Variants in EFNA5 observed in about 807,000 individuals in gnomAD.
The protein encoded by EFNA5 is ephrin-A5.
EFNA5 carries 5 observed loss-of-function variants against 22.9 expected under a neutral mutation model. The observed-to-expected ratio is 0.22, with a 90% CI of 0.11 to 0.46. The LOEUF is 0.46. Ranked by LOEUF, EFNA5 falls within the 20% of genes least tolerant of loss-of-function variation. EFNA5 has a pLI of 0.99. For synonymous variants in EFNA5, 113 were observed against 112.2 expected (o/e 1.01, Z -0.04); for missense variants, 237 against 293.3 (o/e 0.81, Z 1.40).
chr5:107,425,677 A>G (rs1317859309), intron 2 of EFNA5, among the ~76,000 whole-genome samples: 1 of 152,246 alleles, frequency 6.6e-6, no homozygotes. Context: ...AATGACTGAA[A>G]TATGTACTGA....
chr5:107,650,311 T>G (rs1647844364), intron 1 of EFNA5, among the ~76,000 whole-genome samples: 1 of 152,138 alleles, frequency 6.6e-6, no homozygotes, highest in Non-Finnish European at 1.5e-5. Context: ...TTCCCCTTAC[T>G]TGTTGTCTCT....
At chr5:107,579,800 C>T (rs896137371) in intron 1 of EFNA5, among the ~76,000 whole-genome samples, 5 of 152,216 alleles carry the variant, frequency 3.3e-5, no homozygotes, top group East Asian at 1.9e-4. Context: ...CCTTGCTGCA[C>T]GAGTGGCACT....
intron 1 of EFNA5, among the ~76,000 whole-genome samples, chr5:107,559,877 T>C (rs1054697278): frequency 2.0e-5 from 3 of 152,178 alleles, no homozygotes; most frequent in East Asian, 1.9e-4. Context: ...TGCTGGATGC[T>C]TTCCCCCCAA....
At chr5:107,470,227 C>G (rs1750101615) in intron 1 of EFNA5, among the ~76,000 whole-genome samples, 1 of 152,176 alleles carries the variant, frequency 6.6e-6, no homozygotes, top group Admixed American at 6.6e-5. Flanking sequence ...AAAATGGCAA[C>G]AGTGAGGGTC....
Position 107,670,499 on chromosome 5 carries a change from T to A in EFNA5, c.115A>T (p.Ser39Cys). 1 of 1,568,082 alleles carries A rather than the reference T, an allele frequency of 6.4e-7. No homozygotes were observed. The highest frequency in any genetic ancestry group is 8.7e-7 in the Non-Finnish European group (1 of 1,155,276). The change falls in exon 1 of 5, where the codon AGC becomes TGC. Residue 39 changes from serine (S) to cysteine (C), a missense_variant. Physicochemically the swap from Ser to Cys is moderately radical, Grantham distance 112. Coordinates refer to ENST00000333274, the MANE Select transcript of EFNA5 (RefSeq NM_001962.3). ...ADRYAVYWNS[S>C]NPRFQRGDYH... ...CTGTTATCGGCTTACCTGGGGTTGC[T>A]GCTGTTCCAGTAGACAGCGTAGCGG...
At chr5:107,459,987 C>T (rs892394249) in intron 1 of EFNA5, among the ~76,000 whole-genome samples, 1 of 152,132 alleles carries the variant, frequency 6.6e-6, no homozygotes, top group African/African-American at 2.4e-5. Flanking sequence ...GCCTTAGGAA[C>T]TGTTTAACCA....
At position 107,652,903 on chromosome 5, in the gene EFNA5, AT is replaced by A. The variant is rs199948489; in HGVS notation, c.125+17585del. On this transcript the variant is annotated intron_variant, in intron 1 of 4. Transcript: ENST00000333274. ...TTTAATTTTCTTTTTCTAAAAAAAAATAGTTTAAATTTTTCATATAATAAGA... is the reference window on the plus strand; with the variant it reads ...TTTAATTTTCTTTTTCTAAAAAAAAAAGTTTAAATTTTTCATATAATAAGA... Among the ~76,000 whole-genome samples, 1,417 of 150,766 alleles carry A rather than the reference AT, an allele frequency of 9.4e-3. 19 individuals carry two copies. Among genetic ancestry groups the A allele is most frequent in the South Asian group, 0.04 (188 of 4,746 alleles).
chr5:107,586,488 T>C (rs9328005), intron 1 of EFNA5, among the ~76,000 whole-genome samples: 4,197 of 152,244 alleles, frequency 0.028, 180 homozygotes, highest in African/African-American at 0.088. Context: ...GTAGGACAAG[T>C]CTCTTCCATG....
At chr5:107,420,311 G>A (rs1401843029) in intron 2 of EFNA5, among the ~76,000 whole-genome samples, 2 of 152,054 alleles carry the variant, frequency 1.3e-5, no homozygotes, top group East Asian at 1.9e-4. Context: ...TTGGATTACT[G>A]AAGTTGTTAT....
At chr5:107,408,926 T>A (rs567273130) in intron 2 of EFNA5, among the ~76,000 whole-genome samples, 14 of 152,244 alleles carry the variant, frequency 9.2e-5, no homozygotes, top group Non-Finnish European at 1.9e-4. Context: ...AATGTCATTG[T>A]TCTGAAGAAA....
At chr5:107,466,367 G>T (rs2112461030) in intron 1 of EFNA5, among the ~76,000 whole-genome samples, 1 of 152,174 alleles carries the variant, frequency 6.6e-6, no homozygotes, top group South Asian at 2.1e-4. Context: ...CTTGGAGAAA[G>T]ATAGCTCAAG....
chr5:107,633,663 G>A (rs1240500848), intron 1 of EFNA5, among the ~76,000 whole-genome samples: 1 of 152,154 alleles, frequency 6.6e-6, no homozygotes, highest in Non-Finnish European at 1.5e-5. Context: ...AGTGACAGGA[G>A]GCCAGGGGAA....
At chr5:107,623,336 C>G (rs978687665) in intron 1 of EFNA5, among the ~76,000 whole-genome samples, 2 of 152,064 alleles carry the variant, frequency 1.3e-5, no homozygotes, top group African/African-American at 2.4e-5. Context: ...GATCTAGATC[C>G]AGAAATGTAC....
intron 1 of EFNA5, among the ~76,000 whole-genome samples, chr5:107,497,172 G>C (rs780311106): frequency 6.6e-6 from 1 of 152,118 alleles, no homozygotes; most frequent in Non-Finnish European, 1.5e-5. Context: ...TGTAGTAGTA[G>C]GTGATCTTTT....
chr5:107,644,376 A>T (rs1750587908), intron 1 of EFNA5, among the ~76,000 whole-genome samples: 1 of 152,192 alleles, frequency 6.6e-6, no homozygotes, highest in Non-Finnish European at 1.5e-5. Flanking sequence ...CATTATGTAG[A>T]AAAAAATGAG....
At position 107,446,412 on chromosome 5, in the gene EFNA5, T is replaced by C. The variant is rs183071142; in HGVS notation, c.126-18903A>G. Among the ~76,000 whole-genome samples the C allele has an allele frequency of 3.9e-3, 586 of 152,204 alleles. 8 individuals are homozygous for C. The highest frequency in any genetic ancestry group is 5.2e-3 in the Non-Finnish European group (356 of 68,012). On this transcript the variant is annotated intron_variant, in intron 1 of 4. Coordinates refer to ENST00000333274, the MANE Select transcript of EFNA5 (RefSeq NM_001962.3). ...GTCATTATTACATATCTTTAGTAGG[T>C]AGAGTGTAATTTTTGTTTATGAAGA...
Position 107,557,124 on chromosome 5 carries a change from G to A in EFNA5, c.125+113365C>T, listed in dbSNP as rs2454906. Among the ~76,000 whole-genome samples, 56 of 152,248 alleles carry A rather than the reference G, an allele frequency of 3.7e-4. No individual in the cohort carries two copies. In the East Asian group the frequency reaches 0.01, roughly 28 times the overall value. On this transcript the variant is annotated intron_variant, in intron 1 of 4. Coordinates refer to ENST00000333274, the MANE Select transcript of EFNA5 (RefSeq NM_001962.3). ...ACATCTCCCTCATTTCTCACAGCAT[G>A]TCTATCATTATATGTCCCTTTTGAA...
intron 1 of EFNA5, among the ~76,000 whole-genome samples, chr5:107,574,793 T>C (rs987608764): frequency 1.1e-4 from 17 of 152,222 alleles, no homozygotes; most frequent in Admixed American, 9.8e-4. Context: ...AGAAAAAGGC[T>C]GGTGAGATTC....
intron 4 of EFNA5, among the ~76,000 whole-genome samples, chr5:107,386,293 G>A (rs1561363931): frequency 1.3e-5 from 2 of 152,014 alleles, no homozygotes; most frequent in South Asian, 2.1e-4. Context: ...GGAGCAGGTC[G>A]GGGAGAAGAG....
Sources: allele counts gnomAD v4.1 joint callset (sites outside exome capture counted in the v4.1 genomes callset), GRCh38; gene constraint gnomAD v4.1.1; transcripts MANE v1.5; gene names NCBI Gene and HGNC (gene_info 2026-07-23, HGNC 2026-07-21).